BCO2: variants seen among roughly 807,000 people sequenced by gnomAD.
The protein encoded by BCO2 is carotenoid-cleaving dioxygenase, mitochondrial.
BCO2 carries 56 observed loss-of-function variants against 65.8 expected under a neutral mutation model. The observed-to-expected ratio is 0.85, with a 90% CI of 0.69 to 1.06. The LOEUF is 1.06. Among genes scored for constraint, BCO2 ranks in the 50% least tolerant of loss-of-function variants. The pLI is 0.00. For synonymous variants in BCO2, 233 were observed against 242.3 expected, an observed-to-expected ratio of 0.96 and a Z score of 0.36; for missense variants, 675 against 698.5, an observed-to-expected ratio of 0.97 and a Z score of 0.38.
At chr11:112,197,320 G>C (rs904417980) in intron 5 of BCO2, among the ~76,000 whole-genome samples, 1 of 152,136 alleles carries the variant, frequency 6.6e-6, no homozygotes, top group Non-Finnish European at 1.5e-5. Context: ...AGGCCAAGGC[G>C]GGTGTATTGC....
intron 8 of BCO2, among the ~76,000 whole-genome samples, chr11:112,206,391 CG>C (rs1296817474): frequency 6.6e-6 from 1 of 152,122 alleles, no homozygotes; most frequent in Non-Finnish European, 1.5e-5. Context: ...ACTTCCCAGA[CG>C]GGGCGGCGGC....
intron 8 of BCO2, among the ~76,000 whole-genome samples, chr11:112,204,882 C>G (rs1300677743): frequency 6.6e-6 from 1 of 152,174 alleles, no homozygotes; most frequent in Non-Finnish European, 1.5e-5. Flanking sequence ...CCAGGCTGCT[C>G]TCGAACTCCT....
intron 1 of BCO2, among the ~76,000 whole-genome samples, chr11:112,177,761 C>T (rs575014867): frequency 6.6e-5 from 10 of 152,060 alleles, no homozygotes; most frequent in Non-Finnish European, 1.3e-4. Flanking sequence ...TTTCTCAAGC[C>T]TTCTTATTTA....
intron 5 of BCO2, among the ~76,000 whole-genome samples, chr11:112,198,688 C>T (rs1427200008): frequency 6.6e-6 from 1 of 151,978 alleles, no homozygotes; most frequent in Non-Finnish European, 1.5e-5. Context: ...TGAATGATTG[C>T]ATGAAAGAAT....
At chr11:112,201,776 G>C (rs976942655) in intron 7 of BCO2, among the ~76,000 whole-genome samples, 1 of 152,102 alleles carries the variant, frequency 6.6e-6, no homozygotes, top group African/African-American at 2.4e-5. Flanking sequence ...TTTTAAGTTC[G>C]TTATAACAAT....
intron 1 of BCO2, among the ~76,000 whole-genome samples, chr11:112,177,983 A>G (rs1302296819): frequency 3.5e-5 from 2 of 56,850 alleles, no homozygotes; most frequent in African/African-American, 1.4e-4. Context: ...ATCTCGGCTC[A>G]CTGCAACCTT....
At chr11:112,209,764 G>A (rs1342424568) in intron 8 of BCO2, among the ~76,000 whole-genome samples, 1 of 152,134 alleles carries the variant, frequency 6.6e-6, no homozygotes, top group Admixed American at 6.5e-5. Flanking sequence ...GCCATTGATT[G>A]ATTTTTGAAT....
At position 112,199,752 on chromosome 11, in the gene BCO2, A is replaced by G; in HGVS notation, c.790A>G (p.Thr264Ala). The change falls in exon 6 of 12, where the codon ACA (threonine) becomes GCA (alanine). Residue 264 changes from threonine to alanine, a missense_variant. Thr to Ala is a moderately conservative substitution (Grantham distance 58). Coordinates refer to ENST00000357685, the MANE Select transcript of BCO2 (RefSeq NM_031938.7). Reference protein sequence around the residue: ...VPPEKVDLGETIHGVQVICSI... With the variant: ...VPPEKVDLGEAIHGVQVICSI... The stretch of plus-strand genomic sequence containing the variant: ...TCCAGAGAAGGTGGACCTTGGGGAG[A>G]CAATCCATGGAGTCCAGGTGATATG... 8 of 1,613,670 alleles carry G rather than the reference A, an allele frequency of 5.0e-6. No individual in the cohort carries two copies. The highest frequency in any genetic ancestry group is 6.8e-6 in the Non-Finnish European group (8 of 1,179,612).
chr11:112,186,374 C>A (rs2135356894), intron 2 of BCO2, among the ~76,000 whole-genome samples: 1 of 152,226 alleles, frequency 6.6e-6, no homozygotes, highest in South Asian at 2.1e-4. Context: ...TTCTTCAGAG[C>A]CAGTGGTGGG....
intron 8 of BCO2, among the ~76,000 whole-genome samples, chr11:112,212,442 C>G (rs1859536579): frequency 1.3e-5 from 2 of 152,116 alleles, no homozygotes; most frequent in African/African-American, 4.8e-5. Context: ...TCGAGACAAG[C>G]CTGGGCAACA....
chr11:112,185,583 C>T (rs146492101), intron 2 of BCO2, among the ~76,000 whole-genome samples: 193 of 152,252 alleles, frequency 1.3e-3, no homozygotes, highest in African/African-American at 4.4e-3. Flanking sequence ...CAGTTTTCCT[C>T]GCTATTTCTA....
intron 4 of BCO2, 39 bp downstream of exon 4, chr11:112,194,033 T>G (rs773314255): frequency 1.1e-5 from 12 of 1,085,254 alleles, no homozygotes; most frequent in Non-Finnish European, 1.7e-5. Context: ...AAATAGATCC[T>G]AACATTTCTT....
In BCO2 at chr11:112,215,101, G is replaced by C. The variant is rs1469878341; in HGVS notation, c.1515+157G>C. 8.6e-6 allele frequency: 6 copies of C among 696,600 alleles called. No individual in the cohort carries two copies. The South Asian group carries it at 1.1e-4, about 13-fold the overall frequency. The allele number at this position is 696,600 out of a possible 1,614,324, so 43.2% of individuals were successfully genotyped here. A position where few individuals can be genotyped will look rare whatever the true frequency, so the allele number is the denominator to read the frequency against. ...AACTATGAAATCATCTAAGTTAGGG[G>C]TATGTTCCTTCTAGGGAATCCAAAT... is the stretch of plus-strand genomic sequence containing the variant. On this transcript the variant is annotated intron_variant, in intron 10 of 11. Coordinates refer to ENST00000357685, the MANE Select transcript of BCO2 (RefSeq NM_031938.7).
At chr11:112,203,495 G>A (rs1867786962) in intron 8 of BCO2, among the ~76,000 whole-genome samples, 1 of 151,956 alleles carries the variant, frequency 6.6e-6, no homozygotes, top group Non-Finnish European at 1.5e-5. Flanking sequence ...ATATATTTGA[G>A]GTTTACAACA....
chr11:112,208,383 G>C (rs1317959877), intron 8 of BCO2, among the ~76,000 whole-genome samples: 1 of 148,004 alleles, frequency 6.8e-6, no homozygotes, highest in Non-Finnish European at 1.5e-5. Context: ...AGTAATGATA[G>C]TTCCTTTTCT....
intron 4 of BCO2, 65 bp from the exon 5 acceptor site, chr11:112,194,588 C>G: frequency 1.1e-6 from 1 of 924,736 alleles, no homozygotes; most frequent in Non-Finnish European, 1.7e-6. Context: ...TTAGATATTT[C>G]TACTATTTAT....
intron 8 of BCO2, among the ~76,000 whole-genome samples, chr11:112,208,238 A>G (rs1476760492): frequency 6.6e-6 from 1 of 152,208 alleles, no homozygotes; most frequent in East Asian, 1.9e-4. Flanking sequence ...CTGGGATTAC[A>G]GGAATGAGTC....
Position 112,193,573 on chromosome 11 carries a change from T to C in BCO2, c.393T>C (p.Tyr131=). 1 of 1,614,152 alleles carries C rather than the reference T, an allele frequency of 6.2e-7. No homozygotes were observed. Among genetic ancestry groups the C allele is most frequent in the African/African-American group, 1.3e-5 (1 of 75,040 alleles). ...GCAAGTTTCTACAGAGTGATACATA[T>C]AAGGCCAACAGTGCTAAAAACCGAA... is the stretch of plus-strand genomic sequence containing the variant. ...YRSKFLQSDT[Y]KANSAKNRIV... The change falls in exon 3 of 12, where the codon TAT becomes TAC. Residue 131 remains tyrosine (Y), a synonymous_variant. Coordinates refer to ENST00000357685, the MANE Select transcript of BCO2 (RefSeq NM_031938.7).
At chr11:112,189,644 C>T (rs887135323) in intron 2 of BCO2, among the ~76,000 whole-genome samples, 7 of 152,038 alleles carry the variant, frequency 4.6e-5, no homozygotes, top group African/African-American at 7.2e-5. Context: ...CCTTGTGATC[C>T]GCCTGCCTCG....
Sources: gnomAD v4.1 joint callset for allele counts (sites outside exome capture counted in the v4.1 genomes callset) on GRCh38, gnomAD v4.1.1 for gene constraint, MANE v1.5 for transcripts, NCBI Gene and HGNC (gene_info 2026-07-23, HGNC 2026-07-21) for gene names.